Variants in COG2 observed in about 807,000 individuals in gnomAD.
COG2 encodes conserved oligomeric Golgi complex subunit 2.
In COG2, 52 loss-of-function variants were observed where a neutral mutation model predicts 90.6. The ratio of observed to expected loss-of-function variants is 0.57; its 90% CI spans 0.46 to 0.72. COG2 has a LOEUF of 0.72. Among genes scored for constraint, COG2 ranks in the 30% least tolerant of loss-of-function variants. The pLI is 0.00. For missense variants in COG2, 829 were observed against 891.2 expected, an observed-to-expected ratio of 0.93 and a Z score of 0.89; for synonymous variants, 337 against 320.4, an observed-to-expected ratio of 1.05 and a Z score of -0.55.
intron 11 of COG2, among the ~76,000 whole-genome samples, chr1:230,684,624 T>A (rs2102770778): frequency 6.6e-6 from 1 of 152,322 alleles, no homozygotes; most frequent in African/African-American, 2.4e-5. Flanking sequence ...AGCCTCAGAG[T>A]TAGTTTTCAT....
intron 1 of COG2, among the ~76,000 whole-genome samples, chr1:230,657,953 G>C (rs886067959): frequency 1.3e-5 from 2 of 151,958 alleles, no homozygotes; most frequent in Non-Finnish European, 2.9e-5. Flanking sequence ...GGTTATTCTA[G>C]TTAGCAATTC....
At chr1:230,664,644 C>G (rs373271603) in intron 5 of COG2, 57 bp downstream of exon 5, 39 of 834,542 alleles carry the variant, frequency 4.7e-5, no homozygotes, top group East Asian at 3.1e-4. Flanking sequence ...AGAGTAAAAA[C>G]TTTTTTAGTT....
chr1:230,650,371 T>C (rs1341834789), intron 1 of COG2, among the ~76,000 whole-genome samples: 1 of 152,188 alleles, frequency 6.6e-6, no homozygotes, highest in Non-Finnish European at 1.5e-5. Flanking sequence ...CAGTGTTGTT[T>C]TTTGACTTTT....
chr1:230,659,015 T>A (rs1458946236), intron 1 of COG2, among the ~76,000 whole-genome samples: 1 of 152,108 alleles, frequency 6.6e-6, no homozygotes, highest in Non-Finnish European at 1.5e-5. Flanking sequence ...CAATGTTAGG[T>A]AGAGAAAAAA....
intron 7 of COG2, 104 bp from the exon 8 acceptor site, chr1:230,671,412 T>G (rs1206832363): frequency 1.0e-6 from 1 of 981,646 alleles, no homozygotes; most frequent in Non-Finnish European, 1.5e-6. Flanking sequence ...AGGGTGAGTG[T>G]GAGGAAGCAG....
At chr1:230,674,694 A>C (rs954187878) in intron 8 of COG2, among the ~76,000 whole-genome samples, 5 of 152,096 alleles carry the variant, frequency 3.3e-5, no homozygotes, top group African/African-American at 1.2e-4. Flanking sequence ...TAGGAGTATA[A>C]AGGGGTTGGG....
chr1:230,650,920 ATATT>A (rs1332942735), intron 1 of COG2, among the ~76,000 whole-genome samples: 1 of 152,190 alleles, frequency 6.6e-6, no homozygotes, highest in Non-Finnish European at 1.5e-5. Flanking sequence ...CACGTAGTGA[ATATT>A]TAATGTTTAT....
At chr1:230,687,980 C>A in intron 13 of COG2, 91 bp from the exon 14 acceptor site, 2 of 819,952 alleles carry the variant, frequency 2.4e-6, no homozygotes, top group Non-Finnish European at 1.9e-6. Flanking sequence ...CATTCATTAG[C>A]AAATTCTAGA....
rs758006204 is a variant in COG2 at position 230,664,476 on chromosome 1, A to T, written c.382-8A>T. Reference sequence around the variant, plus strand: ...ACAATAACTTTTTTCCTTAATTTTTATTTATAGATGTGTGTATTGAGGCTT... The same window carrying T: ...ACAATAACTTTTTTCCTTAATTTTTTTTTATAGATGTGTGTATTGAGGCTT... On this transcript the variant is annotated splice_polypyrimidine_tract_variant and splice_region_variant and intron_variant, in intron 4 of 17. Transcript: ENST00000366669. The T allele has an allele frequency of 8.8e-6, 11 of 1,253,596 alleles. No homozygotes were observed. Among genetic ancestry groups the T allele is most frequent in the African/African-American group, 3.1e-5 (2 of 64,298 alleles). The allele number at this position is 1,253,596 out of a possible 1,614,324, so 77.7% of individuals were successfully genotyped here.
At chr1:230,678,053 G>A (rs112012380) in intron 9 of COG2, 14,914 of 985,340 alleles carry the variant, frequency 0.015, 127 homozygotes, top group Non-Finnish European at 0.017. Context: ...TCTAAGCACA[G>A]ACTTTAGCAT....
At chr1:230,653,221 G>GTT (rs112155610) in intron 1 of COG2, among the ~76,000 whole-genome samples, 62 of 137,882 alleles carry the variant, frequency 4.5e-4, no homozygotes, top group South Asian at 1.9e-3. Flanking sequence ...TTCATTTTTT[G>GTT]TTTTTTTTTT....
intron 1 of COG2, among the ~76,000 whole-genome samples, chr1:230,647,026 G>T (rs1052622784): frequency 6.6e-6 from 1 of 151,452 alleles, no homozygotes; most frequent in African/African-American, 2.4e-5. Context: ...TTTCTAGTCC[G>T]TGTTCTACAT....
chr1:230,651,193 G>A (rs1355322965), intron 1 of COG2, among the ~76,000 whole-genome samples: 1 of 152,082 alleles, frequency 6.6e-6, no homozygotes, highest in East Asian at 1.9e-4. Flanking sequence ...ACAGAATGAT[G>A]ATGTCTGGGG....
intron 3 of COG2, 33 bp downstream of exon 3, chr1:230,660,856 C>T (rs1013886960): frequency 6.9e-7 from 1 of 1,441,540 alleles, no homozygotes; most frequent in Non-Finnish European, 9.4e-7. Context: ...AACAGTTTAC[C>T]CTAAAGCATG....
At chr1:230,670,416 A>T (rs1348957709) in intron 7 of COG2, 1 of 152,190 alleles carries the variant, frequency 6.6e-6, no homozygotes, top group Admixed American at 6.5e-5. Context: ...AAAGTCTTTT[A>T]TTTTTTAAAG....
intron 1 of COG2, 144 bp downstream of exon 1, chr1:230,642,822 T>G: frequency 1.4e-6 from 1 of 721,760 alleles, no homozygotes; most frequent in Non-Finnish European, 2.3e-6. Flanking sequence ...CACTTCGCAA[T>G]GAGTCTTTTG....
At chr1:230,650,746 G>A (rs547971117) in intron 1 of COG2, among the ~76,000 whole-genome samples, 80 of 152,090 alleles carry the variant, frequency 5.3e-4, no homozygotes, top group Non-Finnish European at 1.0e-3. Flanking sequence ...CTGCTTTGAG[G>A]TCTTAGTCAT....
intron 10 of COG2, 75 bp downstream of exon 10, chr1:230,679,127 T>C: frequency 1.4e-6 from 2 of 1,405,726 alleles, no homozygotes; most frequent in Non-Finnish European, 1.9e-6. Flanking sequence ...GGATGTTGCC[T>C]CAGTTAGCGG....
intron 1 of COG2, among the ~76,000 whole-genome samples, chr1:230,657,739 A>G (rs190933553): frequency 1.1e-4 from 16 of 152,114 alleles, no homozygotes; most frequent in African/African-American, 3.9e-4. Context: ...ATCTAGTCCC[A>G]TATTTCTTGA....
Sources: allele counts gnomAD v4.1 joint callset (sites outside exome capture counted in the v4.1 genomes callset), GRCh38; gene constraint gnomAD v4.1.1; transcripts MANE v1.5; gene names NCBI Gene and HGNC (gene_info 2026-07-23, HGNC 2026-07-21).